SLC4A4: variants seen among roughly 807,000 people sequenced by gnomAD.
SLC4A4 encodes electrogenic sodium bicarbonate cotransporter 1.
SLC4A4 carries 27 observed loss-of-function variants against 111.5 expected under a neutral mutation model. The observed-to-expected ratio is 0.24, with a 90% CI of 0.18 to 0.33. The LOEUF (loss-of-function observed/expected upper bound fraction) is 0.33. SLC4A4 is among the 10% of genes least tolerant of loss of function. The pLI, the probability that SLC4A4 is intolerant of heterozygous loss-of-function variation, is 1.00. For missense variants in SLC4A4, 909 were observed against 1,315.5 expected (o/e 0.69, Z 4.78); for synonymous variants, 443 against 463.4 (o/e 0.96, Z 0.57).
At chr4:71,190,500 T>C (rs1207111381) in intron 1 of SLC4A4, among the ~76,000 whole-genome samples, 1 of 152,004 alleles carries the variant, frequency 6.6e-6, no homozygotes, top group African/African-American at 2.4e-5. Flanking sequence ...TTCGTAATAC[T>C]TCTGTGGCAA....
intron 1 of SLC4A4, among the ~76,000 whole-genome samples, chr4:71,224,577 T>A (rs545550168): frequency 3.9e-4 from 60 of 152,316 alleles, no homozygotes; most frequent in African/African-American, 1.4e-3. Context: ...TAATAATATT[T>A]GTAAAGCAAT....
intron 2 of SLC4A4, among the ~76,000 whole-genome samples, chr4:71,133,052 T>C (rs2148962418): frequency 6.8e-6 from 1 of 147,982 alleles, no homozygotes; most frequent in Middle Eastern, 3.5e-3. Context: ...TGAATTACCA[T>C]TTTTTTTTTA....
At chr4:71,474,910 C>T (rs927646726) in intron 14 of SLC4A4, among the ~76,000 whole-genome samples, 1 of 151,500 alleles carries the variant, frequency 6.6e-6, no homozygotes, top group Non-Finnish European at 1.5e-5. Flanking sequence ...AATGTGCTCC[C>T]CAGAGAAACA....
At chr4:71,526,720 G>A (rs10938143) in intron 16 of SLC4A4, among the ~76,000 whole-genome samples, 64,529 of 151,894 alleles carry the variant, frequency 0.42, 17,791 homozygotes, top group Non-Finnish European at 0.61. Context: ...GAGATCTGGA[G>A]ATCAGAAATC....
chr4:71,140,454 T>C (rs1743964495), intron 2 of SLC4A4, among the ~76,000 whole-genome samples: 1 of 152,160 alleles, frequency 6.6e-6, no homozygotes. Context: ...CCTCTGCTAA[T>C]GACTTCCAAA....
intron 3 of SLC4A4, among the ~76,000 whole-genome samples, chr4:71,336,026 A>C (rs1329188458): frequency 3.3e-5 from 5 of 152,242 alleles, no homozygotes; most frequent in Non-Finnish European, 5.9e-5. Context: ...ACATACATGT[A>C]AACTCTGTAA....
intron 6 of SLC4A4, among the ~76,000 whole-genome samples, chr4:71,364,391 G>A (rs1369236454): frequency 2.6e-5 from 4 of 152,200 alleles, no homozygotes; most frequent in Non-Finnish European, 5.9e-5. Flanking sequence ...CAGAATGTGA[G>A]ATACCATTGT....
chr4:71,263,834 A>G lies in SLC4A4; in HGVS notation c.253+8435A>G, dbSNP rs142891035. Among the ~76,000 whole-genome samples, 27 of 152,308 alleles carry G rather than the reference A, an allele frequency of 1.8e-4. No individual in the cohort carries two copies. In the East Asian group the frequency reaches 3.1e-3, roughly 17 times the overall value. ...TTTCTTATGGGAAATATATTACAATATTAAAATGCCTGAAAACATGAAGGT... is the reference window on the plus strand; with the variant it reads ...TTTCTTATGGGAAATATATTACAATGTTAAAATGCCTGAAAACATGAAGGT... On this transcript the variant is annotated intron_variant, in intron 3 of 25. Transcript: ENST00000264485.
intron 6 of SLC4A4, among the ~76,000 whole-genome samples, chr4:71,363,712 A>G (rs183688086): frequency 6.6e-6 from 1 of 152,276 alleles, no homozygotes; most frequent in East Asian, 1.9e-4. Context: ...ACTCTTTCCC[A>G]AAAGCAACAG....
intron 7 of SLC4A4, among the ~76,000 whole-genome samples, chr4:71,422,605 C>T (rs1469771120): frequency 1.3e-5 from 2 of 151,816 alleles, no homozygotes; most frequent in Admixed American, 6.6e-5. Context: ...ACTGGCAAAC[C>T]AAATCCAGCA....
intron 3 of SLC4A4, among the ~76,000 whole-genome samples, chr4:71,298,702 G>T (rs1447637266): frequency 6.6e-6 from 1 of 152,028 alleles, no homozygotes; most frequent in African/African-American, 2.4e-5. Flanking sequence ...GGATGCTGGG[G>T]CCATCTCTAG....
chr4:71,366,040 A>G (rs1398252314), intron 6 of SLC4A4, among the ~76,000 whole-genome samples: 1 of 152,170 alleles, frequency 6.6e-6, no homozygotes, highest in East Asian at 1.9e-4. Flanking sequence ...TCTAAGCAGG[A>G]AAACACACCA....
intron 2 of SLC4A4, among the ~76,000 whole-genome samples, chr4:71,161,596 C>G (rs1254605728): frequency 6.6e-6 from 1 of 152,148 alleles, no homozygotes; most frequent in African/African-American, 2.4e-5. Flanking sequence ...CAGTAAGCTT[C>G]ATGAGGACAA....
chr4:71,473,162 G>A (rs993303312), intron 14 of SLC4A4, 192 bp downstream of exon 14: 1 of 716,530 alleles, frequency 1.4e-6, no homozygotes, highest in Non-Finnish European at 2.5e-6. Flanking sequence ...AACCAGGAAG[G>A]AGACCAGGAG....
intron 2 of SLC4A4, among the ~76,000 whole-genome samples, chr4:71,104,221 G>C (rs1278262588): frequency 5.0e-5 from 1 of 20,008 alleles, no homozygotes; most frequent in African/African-American, 2.0e-4. Context: ...GACTAAACCA[G>C]GAAGAAGTTG....
intron 3 of SLC4A4, among the ~76,000 whole-genome samples, chr4:71,283,187 T>C (rs1175215554): frequency 6.6e-6 from 1 of 152,214 alleles, no homozygotes; most frequent in Non-Finnish European, 1.5e-5. Context: ...GGAACATCAT[T>C]GAAACCTTCA....
intron 3 of SLC4A4, among the ~76,000 whole-genome samples, chr4:71,294,671 C>G: frequency 6.6e-6 from 1 of 152,262 alleles, no homozygotes; most frequent in Non-Finnish European, 1.5e-5. Flanking sequence ...TTACAGAAGA[C>G]ACATATGTCA....
At chr4:71,365,830 A>T (rs1731198016) in intron 6 of SLC4A4, among the ~76,000 whole-genome samples, 1 of 152,228 alleles carries the variant, frequency 6.6e-6, no homozygotes, top group African/African-American at 2.4e-5. Flanking sequence ...ATCATTTCAG[A>T]TGAAAAACCT....
chr4:71,320,337 C>T (rs1727023270), intron 3 of SLC4A4, among the ~76,000 whole-genome samples: 1 of 151,996 alleles, frequency 6.6e-6, no homozygotes, highest in Non-Finnish European at 1.5e-5. Flanking sequence ...CTTCTGGTCC[C>T]TTCAGATTTG....
Sources: allele counts gnomAD v4.1 joint callset (sites outside exome capture counted in the v4.1 genomes callset), GRCh38; gene constraint gnomAD v4.1.1; transcripts MANE v1.5; gene names NCBI Gene and HGNC (gene_info 2026-07-23, HGNC 2026-07-21).